NKD2: variants seen among roughly 807,000 people sequenced by gnomAD.
The protein encoded by NKD2 is protein naked cuticle homolog 2.
Under a neutral mutation model 34.8 loss-of-function variants are expected in NKD2, and 43 were observed. The observed-to-expected ratio is 1.24, with a 90% confidence interval of 0.97 to 1.60. The LOEUF is 1.60. NKD2 is among the 40% of genes most tolerant of loss of function. The pLI, the probability that NKD2 is intolerant of heterozygous loss-of-function variation, is 0.00. For missense variants in NKD2, 675 were observed against 627.1 expected (o/e 1.08, Z -0.82); for synonymous variants, 278 against 265.1 (o/e 1.05, Z -0.47).
chr5:1,038,481 C>A lies in NKD2; in HGVS notation c.*108C>A, dbSNP rs527272705. 1,591 of 1,530,536 alleles carry A rather than the reference C, an allele frequency of 1.0e-3. 24 individuals are homozygous for A. The South Asian group carries it at 0.017, about 16-fold the overall frequency. 94.8% of individuals were successfully genotyped at this position (1,530,536 alleles called of 1,614,324 possible). On this transcript the variant is annotated 3_prime_UTR_variant, in exon 10 of 10. Transcript: ENST00000296849. The surrounding 1 kb of genome is among the most constrained non-coding windows in gnomAD (Gnocchi z 4.5). The stretch of plus-strand genomic sequence containing the variant: ...GCCCATGGGGAGCCCAGCCCCCACC[C>A]CCCACCTCCGACAGCAAACAGCAAC...
In NKD2 at chr5:1,009,742, G is replaced by A. The variant is rs1201736621; in HGVS notation, c.141+182G>A. The stretch of plus-strand genomic sequence containing the variant: ...AGCCTCCACGACGTCTGGGGCTCCC[G>A]TGGGGCGAGCCCTTGCTAGTGTCCC... On this transcript the variant is annotated intron_variant, in intron 3 of 9. Coordinates refer to ENST00000296849, the MANE Select transcript of NKD2 (RefSeq NM_033120.4). This position sits in a 1 kb window ranked among gnomAD's most constrained non-coding sequence, Gnocchi z 6.9. Among the ~76,000 whole-genome samples the A allele has an allele frequency of 6.6e-6, 1 of 152,290 alleles. No homozygotes were observed. Among genetic ancestry groups the A allele is most frequent in the South Asian group, 2.1e-4 (1 of 4,826 alleles).
At chr5:1,018,799 C>G (rs1006271431) in intron 3 of NKD2, among the ~76,000 whole-genome samples, 3 of 152,142 alleles carry the variant, frequency 2.0e-5, no homozygotes, top group Non-Finnish European at 4.4e-5. Flanking sequence ...AACCACCTAG[C>G]TGTGCCCAGG....
intron 4 of NKD2, 91 bp downstream of exon 4, chr5:1,032,303 C>A (rs150346479): frequency 9.9e-7 from 1 of 1,008,598 alleles, no homozygotes; most frequent in South Asian, 1.3e-5. Flanking sequence ...AAAACAACCC[C>A]GTGTGCGGAG....
In NKD2 at chr5:1,038,391, C is replaced by A. The variant is rs573800761; in HGVS notation, c.*18C>A. ...CGTCCTAGCGCCACTGCCAAGCACACCTCGCTCCCAGCACACCACAGCCCG... is the reference window on the plus strand; with the variant it reads ...CGTCCTAGCGCCACTGCCAAGCACAACTCGCTCCCAGCACACCACAGCCCG... On this transcript the variant is annotated 3_prime_UTR_variant, in exon 10 of 10. Transcript: ENST00000296849. This position sits in a 1 kb window ranked among gnomAD's most constrained non-coding sequence, Gnocchi z 4.5. The A allele has an allele frequency of 1.3e-6, 2 of 1,535,776 alleles. No individual in the cohort carries two copies. Among genetic ancestry groups the A allele is most frequent in the Non-Finnish European group, 8.7e-7 (1 of 1,146,832 alleles).
chr5:1,033,335 C>A (rs1457220163), intron 4 of NKD2, 37 bp from the exon 5 acceptor site: 7 of 1,562,278 alleles, frequency 4.5e-6, no homozygotes, highest in Non-Finnish European at 5.2e-6. Context: ...CTCCATGTGC[C>A]CTCTGCCAGC....
intron 3 of NKD2, among the ~76,000 whole-genome samples, chr5:1,024,496 C>G (rs1756319600): frequency 1.4e-5 from 1 of 72,572 alleles, no homozygotes; most frequent in African/African-American, 5.4e-5. Flanking sequence ...CCCATTGTCC[C>G]TGCTCTTCCC....
chr5:1,022,641 T>G (rs78362377), intron 3 of NKD2, among the ~76,000 whole-genome samples: 78 of 14,474 alleles, frequency 5.4e-3, no homozygotes, highest in Non-Finnish European at 0.033. Context: ...GTCCCAGCCC[T>G]TTGTCCCTGC....
At chr5:1,012,628 T>C (rs1393870756) in intron 3 of NKD2, among the ~76,000 whole-genome samples, 1 of 152,264 alleles carries the variant, frequency 6.6e-6, no homozygotes, top group African/African-American at 2.4e-5. Flanking sequence ...AAACTCCATC[T>C]GCCCTCAGCA....
intron 9 of NKD2, chr5:1,036,922 CGGCGGGCAGTGTGGATGGCA>C (rs1206736144): frequency 1.8e-5 from 7 of 397,450 alleles, no homozygotes; most frequent in Non-Finnish European, 2.5e-5. Context: ...GCAGTGTGGA[CGGCGGGCAGTGTGGATGGCA>C]GGCGGGCAGT....
At chr5:1,016,638 T>A (rs1168217392) in intron 3 of NKD2, among the ~76,000 whole-genome samples, 3 of 152,180 alleles carry the variant, frequency 2.0e-5, no homozygotes, top group Non-Finnish European at 4.4e-5. Context: ...CCTTGCTGTC[T>A]CCAGTGAGGT....
At position 1,038,622 on chromosome 5, in the gene NKD2, CTA is replaced by C. The variant is rs764749305; in HGVS notation, c.*251_*252del. On this transcript the variant is annotated 3_prime_UTR_variant, in exon 10 of 10. Transcript: ENST00000296849. This position sits in a 1 kb window ranked among gnomAD's most constrained non-coding sequence, Gnocchi z 4.5. ...ATGGCGGTGAACACATCTGAAGCCA[CTA>C]TGTTTCCTGGCTCTAAGGCTCGTCT... 1.1e-5 allele frequency: 8 copies of C among 736,220 alleles called. No individual in the cohort carries two copies. Among genetic ancestry groups the C allele is most frequent in the African/African-American group, 3.5e-5 (2 of 57,652 alleles). 45.6% of individuals were successfully genotyped at this position (736,220 alleles called of 1,614,324 possible).
At chr5:1,013,490 C>T (rs562894957) in intron 3 of NKD2, among the ~76,000 whole-genome samples, 18 of 152,366 alleles carry the variant, frequency 1.2e-4, no homozygotes, top group Middle Eastern at 3.4e-3. Context: ...GCCACCTGGT[C>T]ATCCCCCCTT....
rs1755769974 is a variant in NKD2, at chr5:1,012,003, T to C, written c.141+2443T>C. ...GAGGGATCCGGAGTCCCTGGGGATG[T>C]GCGTGGGTGAGGAGTGGTGCCATGG... On this transcript the variant is annotated intron_variant, in intron 3 of 9. Transcript: ENST00000296849. Among the ~76,000 whole-genome samples the C allele has an allele frequency of 2.0e-5, 3 of 152,326 alleles. No homozygotes were observed. In the South Asian group the frequency reaches 6.2e-4, roughly 32 times the overall value.
chr5:1,018,720 C>T (rs1213402519), intron 3 of NKD2, among the ~76,000 whole-genome samples: 1 of 152,180 alleles, frequency 6.6e-6, no homozygotes, highest in African/African-American at 2.4e-5. Flanking sequence ...ATGCTTCTGG[C>T]CGGTGGTCAG....
rs534136808 is a variant in NKD2 at position 1,038,094 on chromosome 5, C to A, written c.1077C>A (p.Ala359=). Residue 359 remains alanine (A), a synonymous_variant, in exon 10 of 10, where the codon GCC becomes GCA. Coordinates refer to ENST00000296849, the MANE Select transcript of NKD2 (RefSeq NM_033120.4). The surrounding 1 kb of genome is among the most constrained non-coding windows in gnomAD (Gnocchi z 4.5). ...AAGCCTTCAGCTACTACCTGCCGGC[C>A]GTCCTGCCGCCCCAGGCCCCTCAGG... ...SGKAFSYYLP[A]VLPPQAPQDG... 4 of 1,604,404 alleles carry A rather than the reference C, an allele frequency of 2.5e-6. No individual in the cohort carries two copies. The highest frequency in any genetic ancestry group is 3.4e-6 in the Non-Finnish European group (4 of 1,177,282).
chr5:1,025,870 G>A (rs549134925), intron 3 of NKD2, among the ~76,000 whole-genome samples: 1 of 106,014 alleles, frequency 9.4e-6, no homozygotes, highest in Non-Finnish European at 1.9e-5. Flanking sequence ...CACCCGCTGT[G>A]GGCGTCCCAG....
At position 1,036,260 on chromosome 5, in the gene NKD2, G is replaced by A. The variant is rs1181980935; in HGVS notation, c.663G>A (p.Arg221=). Residue 221 remains arginine, a synonymous_variant, in exon 9 of 10, where the codon AGG becomes AGA. Coordinates refer to ENST00000296849, the MANE Select transcript of NKD2 (RefSeq NM_033120.4). ...ADRRLSAHVR[R]PSTDPQPCSE... ...CCCTTCTCTGTGCTCCAAGCAGGAG[G>A]CCCAGTACTGACCCCCAGCCCTGCT... The A allele has an allele frequency of 6.2e-7, 1 of 1,602,636 alleles. No homozygotes were observed. Among genetic ancestry groups the A allele is most frequent in the South Asian group, 1.1e-5 (1 of 89,208 alleles).
intron 3 of NKD2, among the ~76,000 whole-genome samples, chr5:1,021,022 C>T (rs971818315): frequency 2.8e-4 from 42 of 151,926 alleles, no homozygotes; most frequent in African/African-American, 1.0e-3. Flanking sequence ...TGAAAAGCTG[C>T]TGTGAGGCAG....
intron 3 of NKD2, among the ~76,000 whole-genome samples, chr5:1,029,156 A>AT (rs1554003865): frequency 6.6e-6 from 1 of 152,142 alleles, no homozygotes; most frequent in Non-Finnish European, 1.5e-5. Flanking sequence ...GTAGATGCTC[A>AT]TTTTTTCCCG....
Sources: gnomAD v4.1 joint callset for allele counts (sites outside exome capture counted in the v4.1 genomes callset) on GRCh38, gnomAD v4.1.1 for gene constraint, Gnocchi (gnomAD v3.1) non-coding constraint, MANE v1.5 for transcripts, NCBI Gene and HGNC (gene_info 2026-07-23, HGNC 2026-07-21) for gene names.